Variants in CFAP54 observed in about 807,000 individuals in gnomAD.
The protein encoded by CFAP54 is cilia and flagella associated protein 54, also known as cilia- and flagella-associated protein 54.
Under a neutral mutation model 370.4 loss-of-function variants are expected in CFAP54, and 290 were observed. The ratio of observed to expected loss-of-function variants is 0.78; its 90% CI spans 0.71 to 0.86. The LOEUF (loss-of-function observed/expected upper bound fraction) is 0.86. CFAP54 is among the 40% of genes least tolerant of loss of function. The pLI is 0.00. For missense variants in CFAP54, 3,399 were observed against 3,528.7 expected (o/e 0.96, Z 0.93); for synonymous variants, 1,206 against 1,236.5 (o/e 0.98, Z 0.52).
rs1478622040 is a variant in CFAP54, at chr12:96,825,619, A to C, written c.9097-3395A>C. 3.3e-5 allele frequency among the ~76,000 whole-genome samples: 4 copies of C among 119,596 alleles called. No homozygotes were observed. The East Asian group carries it at 8.6e-4, about 26-fold the overall frequency. The allele number at this position is 119,596 out of a possible 152,430, so 78.5% of individuals were successfully genotyped here. On this transcript the variant is annotated intron_variant, in intron 65 of 67. Transcript: ENST00000524981. ...ATTATTTACATATTATATATGATAT[A>C]ATATATAATATATATCACCCTATTG...
intron 62 of CFAP54, among the ~76,000 whole-genome samples, chr12:96,788,119 G>A (rs565744028): frequency 4.3e-4 from 66 of 152,238 alleles, no homozygotes; most frequent in African/African-American, 1.5e-3. Context: ...AGAGATGGCT[G>A]TAAAACATAT....
At chr12:96,664,719 ATATATCTATATATATATATC>A (rs1565934267) in intron 39 of CFAP54, among the ~76,000 whole-genome samples, 20 of 7,306 alleles carry the variant, frequency 2.7e-3, no homozygotes, top group African/African-American at 6.1e-3. Flanking sequence ...ATATATCTAT[ATATATCTATATATATATATC>A]TATATATATA....
At chr12:96,674,065 T>A (rs1957176418) in intron 39 of CFAP54, among the ~76,000 whole-genome samples, 2 of 152,366 alleles carry the variant, frequency 1.3e-5, no homozygotes, top group South Asian at 4.1e-4. Context: ...GCATTCTGCC[T>A]GGGATCACTC....
intron 66 of CFAP54, among the ~76,000 whole-genome samples, chr12:96,859,333 G>A (rs537143915): frequency 5.4e-4 from 82 of 152,292 alleles, no homozygotes; most frequent in African/African-American, 1.9e-3. Flanking sequence ...GTTTCACATA[G>A]CTGGTAAGTG....
chr12:96,682,371 A>C (rs1592706430), intron 40 of CFAP54: 1 of 967,978 alleles, frequency 1.0e-6, no homozygotes, highest in Non-Finnish European at 1.2e-6. Context: ...ATTTTCTTTA[A>C]ATTTTTTTTT....
chr12:96,778,727 T>C (rs1958550483), intron 60 of CFAP54, among the ~76,000 whole-genome samples: 2 of 152,242 alleles, frequency 1.3e-5, no homozygotes, highest in Admixed American at 1.3e-4. Context: ...GCCAATCTTA[T>C]ATGAATGTCT....
intron 50 of CFAP54, among the ~76,000 whole-genome samples, chr12:96,738,775 T>C (rs1592734791): frequency 6.6e-6 from 1 of 152,066 alleles, no homozygotes; most frequent in African/African-American, 2.4e-5. Flanking sequence ...CACGCCTGGC[T>C]AAATTTTTGT....
chr12:96,583,613 T>G (rs1227774859), intron 22 of CFAP54, among the ~76,000 whole-genome samples: 1 of 152,236 alleles, frequency 6.6e-6, no homozygotes, highest in African/African-American at 2.4e-5. Context: ...TCTTTTATAG[T>G]TGAAGGAACA....
At chr12:96,676,177 C>T (rs1455181913) in intron 39 of CFAP54, among the ~76,000 whole-genome samples, 2 of 152,222 alleles carry the variant, frequency 1.3e-5, no homozygotes, top group East Asian at 3.9e-4. Context: ...ACACTCTGCA[C>T]CTCCACACAC....
At chr12:96,496,521 A>G (rs1015917901) in intron 1 of CFAP54, among the ~76,000 whole-genome samples, 5 of 152,250 alleles carry the variant, frequency 3.3e-5, no homozygotes, top group Admixed American at 6.5e-5. Flanking sequence ...ACTGTAAACA[A>G]TTTATGACCA....
chr12:96,708,539 G>T (rs999992158), intron 47 of CFAP54, 69 bp from the exon 48 acceptor site: 2 of 1,372,962 alleles, frequency 1.5e-6, no homozygotes, highest in Non-Finnish European at 2.0e-6. Flanking sequence ...AACTGCAAAA[G>T]AATGAATATA....
rs537774656 is a variant in CFAP54, at chr12:96,665,040, G to C, written c.5563+1108G>C. Among the ~76,000 whole-genome samples the C allele has an allele frequency of 3.1e-3, 462 of 150,542 alleles. 3 individuals are homozygous for C. Among genetic ancestry groups the C allele is most frequent in the African/African-American group, 0.01 (424 of 40,994 alleles). On this transcript the variant is annotated intron_variant, in intron 39 of 67. Coordinates refer to ENST00000524981, the MANE Select transcript of CFAP54 (RefSeq NM_001306084.2). ...TGGTGTGAGATGGTATCTCATTGTT[G>C]TTTTGATTTGCATTTCTCCAATGAT...
In CFAP54 at chr12:96,731,900, CATG is replaced by C. The variant is rs774664512; in HGVS notation, c.6966-8053_6966-8051del. Among the ~76,000 whole-genome samples the C allele has an allele frequency of 8.5e-5, 13 of 152,174 alleles. No individual in the cohort carries two copies. The East Asian group carries it at 1.7e-3, about 20-fold the overall frequency. Reference sequence around the variant, plus strand: ...CTTTAAAAAAAAAGATCACTTGTCACATGATAATTGTCATTTTGATACTACATT... The same window carrying C: ...CTTTAAAAAAAAAGATCACTTGTCACATAATTGTCATTTTGATACTACATT... On this transcript the variant is annotated intron_variant, in intron 50 of 67. Transcript: ENST00000524981.
chr12:96,861,042 T>C, intron 67 of CFAP54, 90 bp downstream of exon 67: 1 of 1,029,778 alleles, frequency 9.7e-7, no homozygotes, highest in Non-Finnish European at 1.3e-6. Flanking sequence ...AACATAAAAT[T>C]GTTTTTTTAC....
intron 66 of CFAP54, among the ~76,000 whole-genome samples, chr12:96,851,240 ACT>A (rs1159330351): frequency 6.6e-6 from 1 of 151,856 alleles, no homozygotes; most frequent in African/African-American, 2.4e-5. Context: ...TTTTCACCTA[ACT>A]TAACATTTTA....
chr12:96,553,771 T>A lies in CFAP54; in HGVS notation c.2155-411T>A, dbSNP rs1198351941. On this transcript the variant is annotated intron_variant, in intron 15 of 67. Coordinates refer to ENST00000524981, the MANE Select transcript of CFAP54 (RefSeq NM_001306084.2). ...AGACTAATATAGACTGTTGGGTTGA[T>A]GGACTAAATTTCTAGTCTGAGATTC... Among the ~76,000 whole-genome samples, 5 of 152,022 alleles carry A rather than the reference T, an allele frequency of 3.3e-5. No individual in the cohort carries two copies. The East Asian group carries it at 9.6e-4, about 29-fold the overall frequency.
At chr12:96,828,539 C>G (rs1426214324) in intron 65 of CFAP54, among the ~76,000 whole-genome samples, 1 of 152,152 alleles carries the variant, frequency 6.6e-6, no homozygotes, top group East Asian at 1.9e-4. Context: ...GATAGGGAAT[C>G]TGACAGATTC....
At chr12:96,534,272 A>C in intron 11 of CFAP54, 45 bp downstream of exon 11, 1 of 1,073,994 alleles carries the variant, frequency 9.3e-7, no homozygotes, top group Non-Finnish European at 1.3e-6. Context: ...TTGACGAAAT[A>C]TGCTCTTTTA....
chr12:96,558,735 G>A (rs1955782747), intron 17 of CFAP54, among the ~76,000 whole-genome samples: 1 of 152,048 alleles, frequency 6.6e-6, no homozygotes. Context: ...AATCAAAATA[G>A]ATTAAAGACT....
Sources: gnomAD v4.1 joint callset for allele counts (sites outside exome capture counted in the v4.1 genomes callset) on GRCh38, gnomAD v4.1.1 for gene constraint, MANE v1.5 for transcripts, NCBI Gene and HGNC (gene_info 2026-07-23, HGNC 2026-07-21) for gene names.